Variants in NDUFAF2 observed in about 807,000 individuals in gnomAD.
The protein encoded by NDUFAF2 is NADH dehydrogenase [ubiquinone] 1 alpha subcomplex assembly factor 2.
NDUFAF2 carries 13 observed loss-of-function variants against 22.8 expected under a neutral mutation model. The observed-to-expected ratio is 0.57, with a 90% CI of 0.37 to 0.91. The LOEUF is 0.91. Among genes scored for constraint, NDUFAF2 ranks in the 40% least tolerant of loss-of-function variants. The pLI, the probability that NDUFAF2 is intolerant of heterozygous loss-of-function variation, is 0.01. For synonymous variants in NDUFAF2, 53 were observed against 64.2 expected (o/e 0.83, Z 0.84); for missense variants, 162 against 195.2 (o/e 0.83, Z 1.01).
chr5:60,971,098 C>T (rs983303624), intron 1 of NDUFAF2, among the ~76,000 whole-genome samples: 3 of 149,794 alleles, frequency 2.0e-5, no homozygotes, highest in African/African-American at 7.3e-5. Flanking sequence ...TTAATGCTCT[C>T]TAATTCTATT....
At chr5:61,083,648 G>T (rs964870517) in intron 2 of NDUFAF2, among the ~76,000 whole-genome samples, 8 of 151,716 alleles carry the variant, frequency 5.3e-5, no homozygotes, top group African/African-American at 1.7e-4. Flanking sequence ...AAAGTGCTGG[G>T]ATTACAGGTG....
intron 1 of NDUFAF2, among the ~76,000 whole-genome samples, chr5:61,054,130 GT>G (rs1295636360): frequency 1.3e-5 from 2 of 152,010 alleles, no homozygotes; most frequent in Non-Finnish European, 2.9e-5. Flanking sequence ...GAGCCCAGGA[GT>G]TCAAGGCTGT....
At chr5:60,948,197 T>A (rs1750490540) in intron 1 of NDUFAF2, among the ~76,000 whole-genome samples, 1 of 152,160 alleles carries the variant, frequency 6.6e-6, no homozygotes, top group South Asian at 2.1e-4. Context: ...TAGTTTGTAT[T>A]TTTTATAATT....
chr5:61,138,503 C>CA (rs1393971666), intron 3 of NDUFAF2, among the ~76,000 whole-genome samples: 2 of 152,166 alleles, frequency 1.3e-5, no homozygotes, highest in Non-Finnish European at 2.9e-5. Flanking sequence ...TCCTCCCCCC[C>CA]AGATCGTGCC....
intron 1 of NDUFAF2, among the ~76,000 whole-genome samples, chr5:60,968,132 G>A (rs1006858693): frequency 6.6e-6 from 1 of 151,800 alleles, no homozygotes; most frequent in African/African-American, 2.4e-5. Flanking sequence ...GGAAATAAGT[G>A]TTCATAGTAG....
At chr5:61,072,172 G>T (rs1004465968) in intron 1 of NDUFAF2, among the ~76,000 whole-genome samples, 3 of 152,222 alleles carry the variant, frequency 2.0e-5, no homozygotes, top group Admixed American at 2.0e-4. Flanking sequence ...AACAGCAGCA[G>T]CTGGTCTCTC....
At chr5:61,110,252 G>C (rs1436638094) in intron 3 of NDUFAF2, among the ~76,000 whole-genome samples, 1 of 151,136 alleles carries the variant, frequency 6.6e-6, no homozygotes, top group Non-Finnish European at 1.5e-5. Context: ...TTGGCCTATA[G>C]TTTTCTTTTC....
chr5:61,006,137 TCCAGTTTCAG>T, intron 1 of NDUFAF2, among the ~76,000 whole-genome samples: 1 of 152,318 alleles, frequency 6.6e-6, no homozygotes, highest in East Asian at 1.9e-4. Context: ...AAGGAAGGAA[TCCAGTTTCAG>T]CTTTCTACAT....
intron 3 of NDUFAF2, among the ~76,000 whole-genome samples, chr5:61,130,372 G>T (rs1186758959): frequency 1.3e-5 from 2 of 152,022 alleles, no homozygotes; most frequent in Non-Finnish European, 2.9e-5. Flanking sequence ...TTTTGAAAAG[G>T]GAACAGTAGA....
chr5:61,090,180 G>A (rs1322681624), intron 2 of NDUFAF2, among the ~76,000 whole-genome samples: 4 of 151,808 alleles, frequency 2.6e-5, no homozygotes, highest in Admixed American at 1.3e-4. Context: ...TGTATTTTTC[G>A]CTAAAGGGAT....
intron 3 of NDUFAF2, among the ~76,000 whole-genome samples, chr5:61,151,088 C>T (rs1319383273): frequency 6.6e-6 from 1 of 152,110 alleles, no homozygotes; most frequent in East Asian, 1.9e-4. Context: ...ATTAGATGGG[C>T]CCTTCTTCAC....
At chr5:61,039,606 T>G (rs1376565361) in intron 1 of NDUFAF2, among the ~76,000 whole-genome samples, 1 of 152,218 alleles carries the variant, frequency 6.6e-6, no homozygotes, top group African/African-American at 2.4e-5. Flanking sequence ...GCCAATTAAC[T>G]TAGATCATTC....
At chr5:61,005,450 C>T (rs1366037411) in intron 1 of NDUFAF2, among the ~76,000 whole-genome samples, 7 of 152,094 alleles carry the variant, frequency 4.6e-5, no homozygotes. Context: ...TGGGTTTATG[C>T]CCAGTAATGG....
At chr5:60,998,885 G>A (rs1468163926) in intron 1 of NDUFAF2, among the ~76,000 whole-genome samples, 1 of 151,774 alleles carries the variant, frequency 6.6e-6, no homozygotes, top group Non-Finnish European at 1.5e-5. Flanking sequence ...TATATTCAGA[G>A]ATTTATTTTT....
chr5:61,093,883 G>A (rs772749348), intron 2 of NDUFAF2, among the ~76,000 whole-genome samples: 2 of 152,114 alleles, frequency 1.3e-5, no homozygotes, highest in Non-Finnish European at 2.9e-5. Flanking sequence ...CTATGAATCT[G>A]TCTGGTCCTG....
intron 3 of NDUFAF2, among the ~76,000 whole-genome samples, chr5:61,147,878 G>T (rs753188612): frequency 6.6e-6 from 1 of 152,092 alleles, no homozygotes; most frequent in African/African-American, 2.4e-5. Context: ...CAATGTCTCA[G>T]GTGTTCAACG....
intron 1 of NDUFAF2, among the ~76,000 whole-genome samples, chr5:61,054,608 AC>A (rs1325897844): frequency 6.6e-6 from 1 of 151,922 alleles, no homozygotes; most frequent in Non-Finnish European, 1.5e-5. Flanking sequence ...AAGGAACAAA[AC>A]CCCCTTGCTA....
chr5:61,118,789 A>G (rs1319349495), intron 3 of NDUFAF2, among the ~76,000 whole-genome samples: 4 of 152,192 alleles, frequency 2.6e-5, no homozygotes, highest in African/African-American at 9.6e-5. Flanking sequence ...AAACACTGCT[A>G]CTATTATTTA....
chr5:60,995,591 C>G (rs901529119), intron 1 of NDUFAF2, among the ~76,000 whole-genome samples: 1 of 152,202 alleles, frequency 6.6e-6, no homozygotes, highest in African/African-American at 2.4e-5. Flanking sequence ...ACAAGCATCC[C>G]TATGGCCATG....
Sources: gnomAD v4.1 joint callset for allele counts (sites outside exome capture counted in the v4.1 genomes callset) on GRCh38, gnomAD v4.1.1 for gene constraint, MANE v1.5 for transcripts, NCBI Gene and HGNC (gene_info 2026-07-23, HGNC 2026-07-21) for gene names.